Variants in TBC1D14 observed in about 807,000 individuals in gnomAD.
TBC1D14 encodes TBC1 domain family, member 14.
In TBC1D14, 26 loss-of-function variants were observed where a neutral mutation model predicts 79.0. That is an observed-to-expected ratio of 0.33 (90% CI 0.24 to 0.46). The LOEUF is 0.46. TBC1D14 is among the 20% of genes least tolerant of loss of function. The pLI is 1.00. For synonymous variants in TBC1D14, 394 were observed against 349.9 expected (o/e 1.13, Z -1.40); for missense variants, 769 against 887.6 (o/e 0.87, Z 1.70).
chr4:7,014,166 G>A (rs762512845), intron 11 of TBC1D14, among the ~76,000 whole-genome samples: 1 of 152,198 alleles, frequency 6.6e-6, no homozygotes, highest in African/African-American at 2.4e-5. Flanking sequence ...CACCTACAAA[G>A]CTTGTGCCCT....
At chr4:7,002,256 A>G (rs1719748880) in intron 7 of TBC1D14, among the ~76,000 whole-genome samples, 1 of 152,196 alleles carries the variant, frequency 6.6e-6, no homozygotes, top group Non-Finnish European at 1.5e-5. Flanking sequence ...TTGTTTTAAC[A>G]TCTCTGTGTG....
At chr4:7,026,476 A>T (rs1031696505) in intron 13 of TBC1D14, among the ~76,000 whole-genome samples, 1 of 152,260 alleles carries the variant, frequency 6.6e-6, no homozygotes, top group East Asian at 1.9e-4. Context: ...AGTTGGTTGG[A>T]ATCAAGATCT....
rs768101557 is a variant in TBC1D14 at position 6,996,317 on chromosome 4, C to T, written c.963-8C>T. 3.1e-6 allele frequency: 5 copies of T among 1,611,474 alleles called. No homozygotes were observed. The South Asian group carries it at 3.3e-5, about 11-fold the overall frequency. On this transcript the variant is annotated splice_polypyrimidine_tract_variant and splice_region_variant and intron_variant, in intron 4 of 13. Transcript: ENST00000409757. ...ATAATGGTGAAAACTCATTTCTTTC[C>T]TGTCAAGAAATCTCCCAGCAAAACC...
At chr4:6,968,485 C>T (rs1234609543) in intron 3 of TBC1D14, among the ~76,000 whole-genome samples, 1 of 152,162 alleles carries the variant, frequency 6.6e-6, no homozygotes, top group African/African-American at 2.4e-5. Flanking sequence ...CTCAGTTTAC[C>T]AAAGAAGCAC....
At chr4:6,973,981 C>T (rs1716484177) in intron 3 of TBC1D14, among the ~76,000 whole-genome samples, 1 of 151,942 alleles carries the variant, frequency 6.6e-6, no homozygotes, top group Non-Finnish European at 1.5e-5. Flanking sequence ...GCACCACCAC[C>T]CCCGGCTCAT....
At chr4:7,030,066 C>A (rs1722884822) in intron 13 of TBC1D14, among the ~76,000 whole-genome samples, 1 of 152,104 alleles carries the variant, frequency 6.6e-6, no homozygotes, top group South Asian at 2.1e-4. Flanking sequence ...CCCAGTGAGG[C>A]CCCCAGCTGT....
intron 9 of TBC1D14, among the ~76,000 whole-genome samples, chr4:7,009,591 T>G (rs1457576217): frequency 1.3e-5 from 2 of 152,206 alleles, no homozygotes; most frequent in African/African-American, 4.8e-5. Context: ...AACACAGTTA[T>G]ACAGCAGGAG....
At chr4:6,987,085 C>T in intron 3 of TBC1D14, 1 of 1,000,860 alleles carries the variant, frequency 1.0e-6, no homozygotes, top group Non-Finnish European at 1.3e-6. Flanking sequence ...CCAGCCCCGC[C>T]CCTTGTGCCC....
At chr4:6,909,518 C>T (rs995154380), upstream of TBC1D14, 1 of 152,180 alleles carries the variant, frequency 6.6e-6, no homozygotes, top group Admixed American at 6.5e-5. Context: ...AAGGGGCCCC[C>T]TGTCGGATGT....
At chr4:6,925,401 G>C (rs1348582539) in intron 2 of TBC1D14, among the ~76,000 whole-genome samples, 1 of 152,206 alleles carries the variant, frequency 6.6e-6, no homozygotes, top group Non-Finnish European at 1.5e-5. Context: ...GTCTCTAGCA[G>C]AACCCACGTC....
At chr4:6,938,916 C>T (rs1297519185) in intron 2 of TBC1D14, among the ~76,000 whole-genome samples, 2 of 152,218 alleles carry the variant, frequency 1.3e-5, no homozygotes, top group African/African-American at 4.8e-5. Flanking sequence ...TCCGTCCCGG[C>T]TGCAGGAGTG....
chr4:7,025,000 C>A lies in TBC1D14; in HGVS notation c.1758-4C>A. ...TCTGAAAAATTCCAACTTTTACCCC[C>A]TAGGATCTTTACCTTATATAGTAAA... On this transcript the variant is annotated splice_polypyrimidine_tract_variant and splice_region_variant and intron_variant, in intron 12 of 13. Transcript: ENST00000409757. The A allele has an allele frequency of 3.1e-6, 5 of 1,613,530 alleles. No homozygotes were observed. Among genetic ancestry groups the A allele is most frequent in the Non-Finnish European group, 4.2e-6 (5 of 1,179,612 alleles).
chr4:6,954,142 G>C (rs1714386551), intron 2 of TBC1D14: 1 of 615,128 alleles, frequency 1.6e-6, no homozygotes, highest in Non-Finnish European at 3.0e-6. Context: ...CCGGCCTGCT[G>C]GGTCCAGCTT....
chr4:6,999,227 T>C, intron 6 of TBC1D14, 25 bp downstream of exon 6: 1 of 1,579,506 alleles, frequency 6.3e-7, no homozygotes, highest in Non-Finnish European at 8.7e-7. Context: ...TGGGTGTGGC[T>C]GAACTGCAGA....
chr4:7,013,743 CTTT>C (rs11318080), intron 11 of TBC1D14, among the ~76,000 whole-genome samples: 23 of 137,058 alleles, frequency 1.7e-4, no homozygotes, highest in Admixed American at 3.6e-4. Flanking sequence ...TTTCCAGATA[CTTT>C]TTTTTTTTTT....
At chr4:6,914,243 A>G (rs1056179540) in intron 1 of TBC1D14, among the ~76,000 whole-genome samples, 10 of 152,212 alleles carry the variant, frequency 6.6e-5, no homozygotes, top group Non-Finnish European at 2.9e-5. Flanking sequence ...GACCCTGAAC[A>G]ATAACCGCAG....
At chr4:7,006,585 C>A in intron 8 of TBC1D14, 47 bp from the exon 9 acceptor site, 1 of 1,546,940 alleles carries the variant, frequency 6.5e-7, no homozygotes, top group Non-Finnish European at 8.9e-7. Flanking sequence ...AATTGTCCTA[C>A]ATTCGTGCCC....
At chr4:6,956,820 G>A (rs563729370) in intron 2 of TBC1D14, among the ~76,000 whole-genome samples, 3 of 152,230 alleles carry the variant, frequency 2.0e-5, no homozygotes, top group South Asian at 2.1e-4. Flanking sequence ...GTCTGTGGCC[G>A]GGCTCAGGTG....
chr4:6,978,540 C>A, intron 3 of TBC1D14, among the ~76,000 whole-genome samples: 1 of 148,522 alleles, frequency 6.7e-6, no homozygotes, highest in Non-Finnish European at 1.5e-5. Context: ...TGCTTGAAGG[C>A]AGCATGCTCG....
Sources: allele counts gnomAD v4.1 joint callset (sites outside exome capture counted in the v4.1 genomes callset), GRCh38; gene constraint gnomAD v4.1.1; transcripts MANE v1.5; gene names NCBI Gene and HGNC (gene_info 2026-07-23, HGNC 2026-07-21).